The following SLC17A8 variants were observed in gnomAD, a reference collection of about 807,000 sequenced individuals.
SLC17A8 encodes solute carrier family 17 member 8.
In SLC17A8, 31 loss-of-function variants were observed where a neutral mutation model predicts 58.0. That is an observed-to-expected ratio of 0.53 (90% CI 0.40 to 0.72). The LOEUF is 0.72. Among genes scored for constraint, SLC17A8 ranks in the 30% least tolerant of loss-of-function variants. The pLI, the probability that SLC17A8 is intolerant of heterozygous loss-of-function variation, is 0.00. For missense variants in SLC17A8, 655 were observed against 727.8 expected (o/e 0.90, Z 1.15); for synonymous variants, 228 against 249.0 (o/e 0.92, Z 0.79).
At chr12:100,419,736 A>T in intron 11 of SLC17A8, 79 bp from the exon 12 acceptor site, 1 of 1,422,890 alleles carries the variant, frequency 7.0e-7, no homozygotes, top group Non-Finnish European at 9.8e-7. Flanking sequence ...GTGCTTTTTC[A>T]CAGTGGAGGC....
At chr12:100,368,846 C>T (rs909076085) in intron 1 of SLC17A8, among the ~76,000 whole-genome samples, 3 of 152,180 alleles carry the variant, frequency 2.0e-5, no homozygotes, top group African/African-American at 7.2e-5. Context: ...TATATTTTGA[C>T]ATAGACACAC....
At chr12:100,373,671 G>A (rs888800172) in intron 1 of SLC17A8, among the ~76,000 whole-genome samples, 5 of 136,272 alleles carry the variant, frequency 3.7e-5, no homozygotes, top group African/African-American at 5.5e-5. Flanking sequence ...TGCAACCTCC[G>A]CCTCCTAGGT....
chr12:100,420,416 A>C lies in SLC17A8; in HGVS notation c.*257A>C. ...TTCTCTCAAAGAGCTAAACTTATTC[A>C]GAAAGGAATGACTAGAAGAAAAAGG... is the stretch of plus-strand genomic sequence containing the variant. On this transcript the variant is annotated 3_prime_UTR_variant, in exon 12 of 12. Coordinates refer to ENST00000323346, the MANE Select transcript of SLC17A8 (RefSeq NM_139319.3). The C allele has an allele frequency of 4.5e-6, 2 of 444,828 alleles. No individual in the cohort carries two copies. Among genetic ancestry groups the C allele is most frequent in the South Asian group, 5.9e-5 (2 of 33,752 alleles). 27.6% of individuals were successfully genotyped at this position (444,828 alleles called of 1,614,324 possible).
intron 2 of SLC17A8, 114 bp downstream of exon 2, chr12:100,381,067 G>A (rs1566391847): frequency 2.4e-6 from 3 of 1,259,668 alleles, no homozygotes; most frequent in Admixed American, 1.7e-5. Context: ...AACCTGCCAG[G>A]TTGAAATTAA....
chr12:100,418,175 G>GC lies in SLC17A8; in HGVS notation c.1425+20dup. On this transcript the variant is annotated intron_variant, in intron 11 of 11. Coordinates refer to ENST00000323346, the MANE Select transcript of SLC17A8 (RefSeq NM_139319.3). ...GCACAAGGTAAAGGTCTCCTTTGTGGCTATGGGTTACAATATCAGAGGACT... is the reference window on the plus strand; with the variant it reads ...GCACAAGGTAAAGGTCTCCTTTGTGGCCTATGGGTTACAATATCAGAGGACT... 4.3e-6 allele frequency: 7 copies of GC among 1,613,606 alleles called. No homozygotes were observed. Among genetic ancestry groups the GC allele is most frequent in the Non-Finnish European group, 5.9e-6 (7 of 1,179,854 alleles).
intron 2 of SLC17A8, among the ~76,000 whole-genome samples, chr12:100,389,961 C>G (rs1402867041): frequency 6.6e-6 from 1 of 152,024 alleles, no homozygotes; most frequent in Admixed American, 6.6e-5. Context: ...GCTGGGATTA[C>G]AGGCGTCTGC....
At chr12:100,411,077 AC>A (rs1406744980) in intron 9 of SLC17A8, among the ~76,000 whole-genome samples, 2 of 152,240 alleles carry the variant, frequency 1.3e-5, no homozygotes, top group African/African-American at 4.8e-5. Context: ...TGGGTTCTAA[AC>A]ACAGAATATG....
At chr12:100,418,186 C>G in intron 11 of SLC17A8, 30 bp downstream of exon 11, 1 of 1,564,040 alleles carries the variant, frequency 6.4e-7, no homozygotes, top group Non-Finnish European at 8.7e-7. Flanking sequence ...CTATGGGTTA[C>G]AATATCAGAG....
Position 100,401,840 on chromosome 12 carries a change from G to T in SLC17A8, c.740G>T (p.Trp247Leu), listed in dbSNP as rs1359713754. Reference protein sequence around the residue: ...LAGVLVQYIGWSSVFYIYGMF... With the variant: ...LAGVLVQYIGLSSVFYIYGMF... ...GGGGTGTTGGTGCAGTACATTGGATGGTCCTCTGTCTTTTATATTTATGGT... is the reference window on the plus strand; with the variant it reads ...GGGGTGTTGGTGCAGTACATTGGATTGTCCTCTGTCTTTTATATTTATGGT... Residue 247 changes from tryptophan (W) to leucine (L), a missense_variant, in exon 6 of 12, where the codon TGG becomes TTG. Coordinates refer to ENST00000323346, the MANE Select transcript of SLC17A8 (RefSeq NM_139319.3). 1.2e-6 allele frequency: 2 copies of T among 1,613,748 alleles called. No individual in the cohort carries two copies. Among genetic ancestry groups the T allele is most frequent in the South Asian group, 1.1e-5 (1 of 91,062 alleles).
intron 9 of SLC17A8, among the ~76,000 whole-genome samples, chr12:100,407,584 A>T (rs1404874871): frequency 2.0e-5 from 3 of 148,176 alleles, no homozygotes; most frequent in East Asian, 1.9e-4. Flanking sequence ...ATATATATAT[A>T]TATTTTTTTT....
At chr12:100,380,512 ATAATAATAATAATATT>A (rs1839992280) in intron 1 of SLC17A8, among the ~76,000 whole-genome samples, 173 bp from the exon 2 acceptor site, 1 of 150,946 alleles carries the variant, frequency 6.6e-6, no homozygotes, top group Admixed American at 6.6e-5. Flanking sequence ...ACTTACTTTA[ATAATAATAATAATATT>A]TAATAATAAT....
intron 2 of SLC17A8, among the ~76,000 whole-genome samples, chr12:100,387,464 T>C (rs1952684371): frequency 6.6e-6 from 1 of 152,196 alleles, no homozygotes; most frequent in African/African-American, 2.4e-5. Flanking sequence ...CAAATGACAA[T>C]GAAAGTCAGT....
At chr12:100,401,651 C>T (rs1198005114) in intron 5 of SLC17A8, 126 bp from the exon 6 acceptor site, 6 of 825,540 alleles carry the variant, frequency 7.3e-6, no homozygotes, top group Admixed American at 1.8e-5. Flanking sequence ...TTGCCTGTCT[C>T]TGCACGGAGG....
In SLC17A8 at chr12:100,420,082, C is replaced by T. The variant is rs1489384785; in HGVS notation, c.1693C>T (p.Gln565Ter). 1.7e-5 allele frequency: 27 copies of T among 1,614,002 alleles called. No individual in the cohort carries two copies. Among genetic ancestry groups the T allele is most frequent in the Non-Finnish European group, 2.3e-5 (27 of 1,180,006 alleles). Residue 565 changes from glutamine (Q) to a stop codon, truncating the protein, a stop_gained, in exon 12 of 12, where the codon CAG becomes TAG. Transcript: ENST00000323346. LOFTEE classifies it high-confidence loss of function. ...AGTCCAGAAGAAGGAATGGAAAGGA[C>T]AGAGAGGAGCGACCCTTGATGAGGA... ...CEVQKKEWKG[Q>*]RGATLDEEEL...
chr12:100,395,440 T>C (rs1442453990), intron 4 of SLC17A8, among the ~76,000 whole-genome samples: 4 of 151,526 alleles, frequency 2.6e-5, no homozygotes, highest in Admixed American at 1.3e-4. Context: ...ATTCTTCTGC[T>C]TCAGCCTCCT....
chr12:100,370,612 T>TAAAA (rs61103377), intron 1 of SLC17A8, among the ~76,000 whole-genome samples: 48 of 127,194 alleles, frequency 3.8e-4, no homozygotes, highest in African/African-American at 1.3e-3. Context: ...ATCTAAATTC[T>TAAAA]AAAAAAAAAA....
At chr12:100,392,772 C>A (rs934353362) in intron 3 of SLC17A8, among the ~76,000 whole-genome samples, 10 of 152,222 alleles carry the variant, frequency 6.6e-5, no homozygotes, top group Non-Finnish European at 1.2e-4. Context: ...GACAGGTACA[C>A]AACCTGTCTT....
chr12:100,372,761 C>T (rs1435656115), intron 1 of SLC17A8, among the ~76,000 whole-genome samples: 1 of 152,048 alleles, frequency 6.6e-6, no homozygotes, highest in Non-Finnish European at 1.5e-5. Flanking sequence ...GATAGGCTCT[C>T]TCTATATTGC....
chr12:100,388,156 C>G (rs1242845098), intron 2 of SLC17A8, among the ~76,000 whole-genome samples: 2 of 152,182 alleles, frequency 1.3e-5, no homozygotes, highest in Non-Finnish European at 2.9e-5. Flanking sequence ...TCTCAAATGA[C>G]CATATGACTT....
Sources: gnomAD v4.1 joint callset for allele counts (sites outside exome capture counted in the v4.1 genomes callset) on GRCh38, gnomAD v4.1.1 for gene constraint, MANE v1.5 for transcripts, NCBI Gene and HGNC (gene_info 2026-07-23, HGNC 2026-07-21) for gene names.